Variants in SARDH observed in about 807,000 individuals in gnomAD.
SARDH encodes sarcosine dehydrogenase.
SARDH carries 95 observed loss-of-function variants against 109.1 expected under a neutral mutation model. The observed-to-expected ratio is 0.87, with a 90% CI of 0.74 to 1.03. The LOEUF (loss-of-function observed/expected upper bound fraction) is 1.03, where lower values mean the gene tolerates loss of function less well. Among genes scored for constraint, SARDH ranks in the 50% least tolerant of loss-of-function variants. SARDH has a pLI of 0.00. For synonymous variants in SARDH, 572 were observed against 534.8 expected (o/e 1.07, Z -0.96); for missense variants, 1,267 against 1,287.8 (o/e 0.98, Z 0.25).
rs1832168614 is a variant in SARDH at position 133,717,467 on chromosome 9, G to A, written c.1021-12C>T. ...AACTTGTCTGACACCTGCCAAGGCA[G>A]GGCAGGGGAACATCTCCGTTGTCCC... On this transcript the variant is annotated splice_polypyrimidine_tract_variant and intron_variant, in intron 7 of 20. Coordinates refer to ENST00000439388, the MANE Select transcript of SARDH (RefSeq NM_001134707.2). 1.2e-6 allele frequency: 2 copies of A among 1,613,954 alleles called. No individual in the cohort carries two copies. The highest frequency in any genetic ancestry group is 1.7e-4 in the Middle Eastern group (1 of 6,050).
rs1183454739 is a variant in SARDH at position 133,704,043 on chromosome 9, C to T, written c.1554+905G>A. 6.6e-6 allele frequency among the ~76,000 whole-genome samples: 1 copy of T among 152,138 alleles called. No homozygotes were observed. Among genetic ancestry groups the T allele is most frequent in the African/African-American group, 2.4e-5 (1 of 41,420 alleles). On this transcript the variant is annotated intron_variant, in intron 12 of 20. Transcript: ENST00000439388. The surrounding 1 kb of genome is among the most constrained non-coding windows in gnomAD (Gnocchi z 4.5). ...GATCTGACTGGAACACAGTGGGTTGCACTTCAAGACAGGGTCTGCCCAGAC... is the reference window on the plus strand; with the variant it reads ...GATCTGACTGGAACACAGTGGGTTGTACTTCAAGACAGGGTCTGCCCAGAC...
At chr9:133,713,670 C>T (rs1832014584) in intron 8 of SARDH, among the ~76,000 whole-genome samples, 1 of 152,254 alleles carries the variant, frequency 6.6e-6, no homozygotes, top group Non-Finnish European at 1.5e-5. Context: ...CCGGCGGCCA[C>T]AGCTGAGCCT....
At position 133,666,222 on chromosome 9, in the gene SARDH, G is replaced by A. The variant is rs1830060002; in HGVS notation, c.2631+513C>T. Among the ~76,000 whole-genome samples the A allele has an allele frequency of 6.6e-6, 1 of 152,038 alleles. No homozygotes were observed. The highest frequency in any genetic ancestry group is 2.1e-4 in the South Asian group (1 of 4,820). On this transcript the variant is annotated intron_variant, in intron 20 of 20. Coordinates refer to ENST00000439388, the MANE Select transcript of SARDH (RefSeq NM_001134707.2). The surrounding 1 kb of genome is among the most constrained non-coding windows in gnomAD (Gnocchi z 5.2). ...TGAGGAAAGAGAGGATAGGAACATGGGTCTCTGAGTCTCTAGTCGGTCACC... is the reference window on the plus strand; with the variant it reads ...TGAGGAAAGAGAGGATAGGAACATGAGTCTCTGAGTCTCTAGTCGGTCACC...
Position 133,666,590 on chromosome 9 carries a change from CTCCTT to C in SARDH, c.2631+140_2631+144del. On this transcript the variant is annotated intron_variant, in intron 20 of 20. Transcript: ENST00000439388. This position sits in a 1 kb window ranked among gnomAD's most constrained non-coding sequence, Gnocchi z 5.2. ...CCTTCCTCCCCCTCTTCCCTCCTCC[CTCCTT>C]TCTCTTCCCTCCTCCTCTTCTGGAC... is the stretch of plus-strand genomic sequence containing the variant. The C allele has an allele frequency of 9.1e-7, 1 of 1,104,468 alleles. No individual in the cohort carries two copies. 68.4% of individuals were successfully genotyped at this position (1,104,468 alleles called of 1,614,324 possible).
intron 17 of SARDH, among the ~76,000 whole-genome samples, chr9:133,674,328 T>A (rs1588384783): frequency 6.6e-6 from 1 of 152,172 alleles, no homozygotes; most frequent in Non-Finnish European, 1.5e-5. Flanking sequence ...TCGGCCAGGG[T>A]TGGGTGCGTG....
Position 133,690,370 on chromosome 9 carries a change from C to T in SARDH, c.2069+10G>A. Reference sequence around the variant, plus strand: ...GTGCACCCAGGGGCGGGCTCCCAGTCCTCTCTCACCTGGCTGGGCCCTGGA... The same window carrying T: ...GTGCACCCAGGGGCGGGCTCCCAGTTCTCTCTCACCTGGCTGGGCCCTGGA... On this transcript the variant is annotated intron_variant, in intron 16 of 20. Coordinates refer to ENST00000439388, the MANE Select transcript of SARDH (RefSeq NM_001134707.2). The T allele has an allele frequency of 6.2e-7, 1 of 1,603,486 alleles. No homozygotes were observed. The highest frequency in any genetic ancestry group is 1.1e-5 in the South Asian group (1 of 90,914).
chr9:133,729,935 G>T, intron 5 of SARDH, 70 bp from the exon 6 acceptor site: 1 of 1,593,482 alleles, frequency 6.3e-7, no homozygotes, highest in East Asian at 2.2e-5. Flanking sequence ...GTGTGCACAG[G>T]CTGCCTCTGC....
chr9:133,703,020 A>C lies in SARDH; in HGVS notation c.1564T>G (p.Tyr522Asp). The part of the protein sequence containing the change: ...HPRGPAPVLE[Y>D]DYYGAYGSRA... The stretch of plus-strand genomic sequence containing the variant: ...CTCCCGTAAGCCCCGTAGTAGTCGT[A>C]CTCGAGGACCTGGGAAGAAAAGACG... Residue 522 changes from tyrosine to aspartate, a missense_variant, in exon 13 of 21, where the codon TAC becomes GAC. Physicochemically the swap from Tyr to Asp is radical, Grantham distance 160 (BLOSUM62 -3). Transcript: ENST00000439388. 3.7e-6 allele frequency: 6 copies of C among 1,612,940 alleles called. No individual in the cohort carries two copies. The highest frequency in any genetic ancestry group is 5.1e-6 in the Non-Finnish European group (6 of 1,179,822).
intron 13 of SARDH, among the ~76,000 whole-genome samples, chr9:133,699,762 G>A (rs1052148987): frequency 1.6e-4 from 24 of 152,156 alleles, no homozygotes; most frequent in South Asian, 4.1e-4. Flanking sequence ...GAACCCTCTC[G>A]CACTGTGGTG....
chr9:133,736,249 C>T (rs1433689866), intron 1 of SARDH, among the ~76,000 whole-genome samples: 2 of 152,196 alleles, frequency 1.3e-5, no homozygotes, highest in Admixed American at 6.5e-5. Context: ...AGGAGCAGCC[C>T]CCCGCCTGGA....
chr9:133,685,703 G>A (rs1489979864), intron 16 of SARDH, among the ~76,000 whole-genome samples: 1 of 152,202 alleles, frequency 6.6e-6, no homozygotes, highest in African/African-American at 2.4e-5. Context: ...TCAGAGGCCA[G>A]AGGGGCCTCA....
intron 17 of SARDH, among the ~76,000 whole-genome samples, chr9:133,678,335 T>C (rs756462883): frequency 2.6e-5 from 4 of 152,148 alleles, no homozygotes; most frequent in Non-Finnish European, 5.9e-5. Context: ...CCAGAAGGCC[T>C]CTGGTGCAGC....
rs145736174 is a variant in SARDH, at chr9:133,731,452, C to A, written c.543G>T (p.Val181=). 3.1e-3 allele frequency: 4,943 copies of A among 1,614,148 alleles called. 11 individuals carry two copies. The highest frequency in any genetic ancestry group is 3.4e-3 in the Non-Finnish European group (3,984 of 1,180,006). Residue 181 remains valine, a synonymous_variant, in exon 4 of 21, where the codon GTG becomes GTT. Coordinates refer to ENST00000439388, the MANE Select transcript of SARDH (RefSeq NM_001134707.2). ...GAGTCTTGGTCTCTGCCGGGCTCAGCACATGGGATTCCACACCATACGCCT... is the reference window on the plus strand; with the variant it reads ...GAGTCTTGGTCTCTGCCGGGCTCAGAACATGGGATTCCACACCATACGCCT... ...LGKAYGVESH[V]LSPAETKTLY...
At position 133,718,241 on chromosome 9, in the gene SARDH, T is replaced by G. The variant is rs367626536; in HGVS notation, c.1020+697A>C. ...TGCCCGCCACCACACCTGGCTAATTTTTGTATTTTTAGTAGAGTTGGGATT... is the reference window on the plus strand; with the variant it reads ...TGCCCGCCACCACACCTGGCTAATTGTTGTATTTTTAGTAGAGTTGGGATT... On this transcript the variant is annotated intron_variant, in intron 7 of 20. Transcript: ENST00000439388. The surrounding 1 kb of genome is among the most constrained non-coding windows in gnomAD (Gnocchi z 4.2). 1.3e-5 allele frequency: 2 copies of G among 156,500 alleles called. No individual in the cohort carries two copies. The highest frequency in any genetic ancestry group is 3.6e-4 in the East Asian group (2 of 5,496). 9.7% of individuals were successfully genotyped at this position (156,500 alleles called of 1,614,324 possible). A position where few individuals can be genotyped will look rare whatever the true frequency, so the allele number is the denominator to read the frequency against.
intron 19 of SARDH, among the ~76,000 whole-genome samples, chr9:133,669,463 G>A (rs879561115): frequency 4.6e-5 from 7 of 150,806 alleles, no homozygotes; most frequent in Admixed American, 6.6e-5. Context: ...CCACTTCCCC[G>A]GATACCTGTG....
chr9:133,733,147 A>G (rs1832745230), intron 2 of SARDH, among the ~76,000 whole-genome samples: 1 of 152,200 alleles, frequency 6.6e-6, no homozygotes, highest in Non-Finnish European at 1.5e-5. Flanking sequence ...AGAAGGCAAG[A>G]GCAAGAGTTG....
rs138661900 is a variant in SARDH, at chr9:133,693,033, G to T, written c.1921+1225C>A. Among the ~76,000 whole-genome samples, 3 of 151,862 alleles carry T rather than the reference G, an allele frequency of 2.0e-5. No homozygotes were observed. Among genetic ancestry groups the T allele is most frequent in the Non-Finnish European group, 4.4e-5 (3 of 67,960 alleles). ...TGCCAGCCCCCAGCCCCGAAGACCC[G>T]CTGGGCAGTGAGGAGCGCTGTCTTC... is the stretch of plus-strand genomic sequence containing the variant. On this transcript the variant is annotated intron_variant, in intron 15 of 20. Coordinates refer to ENST00000439388, the MANE Select transcript of SARDH (RefSeq NM_001134707.2). This position sits in a 1 kb window ranked among gnomAD's most constrained non-coding sequence, Gnocchi z 5.6.
intron 6 of SARDH, among the ~76,000 whole-genome samples, chr9:133,720,760 T>C (rs1361458482): frequency 2.6e-5 from 4 of 152,172 alleles, no homozygotes; most frequent in African/African-American, 9.7e-5. Context: ...TTCAATTATC[T>C]CCACCTGGCC....
chr9:133,712,549 C>T lies in SARDH; in HGVS notation c.1328+70G>A, dbSNP rs1831960090. On this transcript the variant is annotated intron_variant, in intron 10 of 20. Transcript: ENST00000439388. The surrounding 1 kb of genome is among the most constrained non-coding windows in gnomAD (Gnocchi z 4.1). ...CAGGCAAGGCTCCTTTCTCAGTAGCCCTCGCTGTTTACCCCACGCCACCTG... is the reference window on the plus strand; with the variant it reads ...CAGGCAAGGCTCCTTTCTCAGTAGCTCTCGCTGTTTACCCCACGCCACCTG... 2 of 1,376,560 alleles carry T rather than the reference C, an allele frequency of 1.5e-6. No homozygotes were observed. The highest frequency in any genetic ancestry group is 1.4e-5 in the African/African-American group (1 of 70,424). 85.3% of individuals were successfully genotyped at this position (1,376,560 alleles called of 1,614,324 possible). A position where few individuals can be genotyped will look rare whatever the true frequency, so the allele number is the denominator to read the frequency against.
Sources: allele counts gnomAD v4.1 joint callset (sites outside exome capture counted in the v4.1 genomes callset), GRCh38; gene constraint gnomAD v4.1.1; non-coding constraint Gnocchi (gnomAD v3.1); transcripts MANE v1.5; gene names NCBI Gene and HGNC (gene_info 2026-07-23, HGNC 2026-07-21).